Variants in NKAIN4 observed in about 807,000 individuals in gnomAD.
NKAIN4 encodes sodium/potassium transporting ATPase interacting 4, also known as sodium/potassium-transporting ATPase subunit beta-1-interacting protein 4.
A neutral mutation model predicts 28.8 loss-of-function variants in NKAIN4; 28 were observed. That is an observed-to-expected ratio of 0.97 (90% CI 0.72 to 1.33). The LOEUF is 1.33. Among genes scored for constraint, NKAIN4 ranks in the 40% most tolerant of loss-of-function variants. The pLI, the probability that NKAIN4 is intolerant of heterozygous loss-of-function variation, is 0.00. For synonymous variants in NKAIN4, 122 were observed against 115.6 expected (o/e 1.06, Z -0.36); for missense variants, 289 against 277.2 (o/e 1.04, Z -0.30).
In NKAIN4 at chr20:63,242,490, C is replaced by A. The variant is rs372079773; in HGVS notation, c.617+49G>T. The A allele has an allele frequency of 3.7e-6, 5 of 1,366,930 alleles. No homozygotes were observed. The African/African-American group carries it at 7.1e-5, about 20-fold the overall frequency. 84.7% of individuals were successfully genotyped at this position (1,366,930 alleles called of 1,614,324 possible). Reference sequence around the variant, plus strand: ...GGAAGGCAGCCTCTCGCTGTGAGGGCCAGATTGGCCAGGCTGGCCGCAGAG... The same window carrying A: ...GGAAGGCAGCCTCTCGCTGTGAGGGACAGATTGGCCAGGCTGGCCGCAGAG... On this transcript the variant is annotated intron_variant, in intron 6 of 6. Coordinates refer to ENST00000370316, the MANE Select transcript of NKAIN4 (RefSeq NM_152864.4).
chr20:63,250,904 C>T (rs1251164944), intron 1 of NKAIN4, among the ~76,000 whole-genome samples: 21 of 146,138 alleles, frequency 1.4e-4, no homozygotes, highest in Admixed American at 9.5e-4. Context: ...CCACCCCAGC[C>T]GCCCTATCCC....
intron 2 of NKAIN4, 84 bp downstream of exon 2, chr20:63,249,851 A>C: frequency 2.1e-6 from 3 of 1,446,268 alleles, no homozygotes; most frequent in Non-Finnish European, 2.8e-6. Context: ...GTCCAGGAAA[A>C]TATGCCAGGA....
chr20:63,244,144 G>C lies in NKAIN4; in HGVS notation c.472-60C>G, dbSNP rs77939763. The C allele has an allele frequency of 2.2e-4, 340 of 1,519,968 alleles. No individual in the cohort carries two copies. The African/African-American group carries it at 4.3e-3, about 19-fold the overall frequency. 94.2% of individuals were successfully genotyped at this position (1,519,968 alleles called of 1,614,324 possible). ...CCAGGCGAGCCTGTGGGGTGTCATT[G>C]AGGCGATGTGGGCCGAAGCACTGGA... On this transcript the variant is annotated intron_variant, in intron 4 of 6. Transcript: ENST00000370316.
intron 1 of NKAIN4, chr20:63,253,537 C>G (rs1291534222): frequency 3.0e-6 from 3 of 983,734 alleles, no homozygotes. Context: ...CGCTCCGCAG[C>G]CCACAAAGCA....
chr20:63,247,109 T>G, intron 4 of NKAIN4: 1 of 1,039,576 alleles, frequency 9.6e-7, no homozygotes, highest in Non-Finnish European at 1.2e-6. Context: ...TACGCCAGGG[T>G]TCCCGACAAG....
chr20:63,241,144 G>A lies in NKAIN4; in HGVS notation c.*353C>T, dbSNP rs2066742960. On this transcript the variant is annotated 3_prime_UTR_variant, in exon 7 of 7. Coordinates refer to ENST00000370316, the MANE Select transcript of NKAIN4 (RefSeq NM_152864.4). ...GCCCGAGGGTCCAGCAGCCCCAGGT[G>A]GGCACCTGAGGGAGGGGCTCCTCGA... 3.2e-6 allele frequency: 1 copy of A among 308,104 alleles called. No individual in the cohort carries two copies. The highest frequency in any genetic ancestry group is 2.3e-5 in the African/African-American group (1 of 44,282). 19.1% of individuals were successfully genotyped at this position (308,104 alleles called of 1,614,324 possible).
chr20:63,244,656 A>G, intron 4 of NKAIN4: 1 of 416,156 alleles, frequency 2.4e-6, no homozygotes, highest in South Asian at 1.7e-5. Context: ...GGGGTCAGGC[A>G]GGGAGAGGGG....
chr20:63,241,431 C>T lies in NKAIN4; in HGVS notation c.*66G>A. On this transcript the variant is annotated 3_prime_UTR_variant, in exon 7 of 7. Transcript: ENST00000370316. The stretch of plus-strand genomic sequence containing the variant: ...GGCGCGTCCCAAGGCCTGGGAGCTC[C>T]TGTCATTGTCACTGGTCGGTCGCTG... 1.9e-6 allele frequency: 3 copies of T among 1,540,724 alleles called. No individual in the cohort carries two copies. In the South Asian group the frequency reaches 3.6e-5, roughly 18 times the overall value.
intron 4 of NKAIN4, 161 bp downstream of exon 4, chr20:63,247,417 C>G: frequency 2.0e-6 from 3 of 1,537,342 alleles, no homozygotes; most frequent in Non-Finnish European, 2.6e-6. Context: ...GGGACCCACC[C>G]GTGATACCTT....
rs1472846159 is a variant in NKAIN4 at position 63,247,448 on chromosome 20, G to A, written c.471+130C>T. 12 of 1,544,890 alleles carry A rather than the reference G, an allele frequency of 7.8e-6. No homozygotes were observed. The Admixed American group carries it at 1.4e-4, about 18-fold the overall frequency. On this transcript the variant is annotated intron_variant, in intron 4 of 6. Transcript: ENST00000370316. Reference sequence around the variant, plus strand: ...ACCTTAACCTCTCCAGCAAGGGTGGGGGATGAGGAAGGCAGAGACACGCCT... The same window carrying A: ...ACCTTAACCTCTCCAGCAAGGGTGGAGGATGAGGAAGGCAGAGACACGCCT...
intron 4 of NKAIN4, 41 bp from the exon 5 acceptor site, chr20:63,244,125 G>C: frequency 6.3e-7 from 1 of 1,585,882 alleles, no homozygotes. Context: ...GCGGCCAGGC[G>C]AGCCTGTGGG....
chr20:63,250,508 G>A (rs898986469), intron 1 of NKAIN4, among the ~76,000 whole-genome samples: 3 of 152,146 alleles, frequency 2.0e-5, no homozygotes, highest in African/African-American at 7.2e-5. Flanking sequence ...TCGGATGGCC[G>A]GGAGGGACGG....
intron 3 of NKAIN4, 193 bp downstream of exon 3, chr20:63,248,622 A>T (rs1029971867): frequency 1.1e-5 from 6 of 560,580 alleles, no homozygotes; most frequent in Non-Finnish European, 1.9e-5. Context: ...CAATCAAATC[A>T]CTGGTCTTTC....
intron 1 of NKAIN4, chr20:63,253,168 C>A (rs1253886711): frequency 5.1e-6 from 5 of 980,154 alleles, no homozygotes; most frequent in Middle Eastern, 5.2e-4. Flanking sequence ...TGCTTCCAGC[C>A]CCTCCCCACC....
chr20:63,247,621 CTGGG>C lies in NKAIN4; in HGVS notation c.424_427del (p.Pro142AlafsTer13). The stretch of plus-strand genomic sequence containing the variant: ...GCAACTGTGTAGGGCCTCCACATAG[CTGGG>C]CTCCAGGGCACAGCCAGCACCTGAC... On this transcript the variant is annotated frameshift_variant, in exon 4 of 7. Transcript: ENST00000370316. LOFTEE classifies it high-confidence loss of function. The C allele has an allele frequency of 6.5e-7, 1 of 1,547,884 alleles. No individual in the cohort carries two copies.
chr20:63,253,825 C>A (rs1014594573), intron 1 of NKAIN4, among the ~76,000 whole-genome samples: 5 of 130,204 alleles, frequency 3.8e-5, no homozygotes, highest in African/African-American at 1.2e-4. Flanking sequence ...AGCTCCACGC[C>A]GGGCGGAATG....
rs1300239732 is a variant in NKAIN4, at chr20:63,252,069, G to A, written c.55-1997C>T. On this transcript the variant is annotated intron_variant, in intron 1 of 6. Transcript: ENST00000370316. The surrounding 1 kb of genome is among the most constrained non-coding windows in gnomAD (Gnocchi z 4.6). ...GGACAAGCTGCACATCTCGGCTAAG[G>A]GGTCTCGGCCTGAGGAGCAGCCTCA... Among the ~76,000 whole-genome samples, 1 of 152,222 alleles carries A rather than the reference G, an allele frequency of 6.6e-6. No homozygotes were observed. Among genetic ancestry groups the A allele is most frequent in the African/African-American group, 2.4e-5 (1 of 41,452 alleles).
At chr20:63,248,980 C>T in intron 2 of NKAIN4, 85 bp from the exon 3 acceptor site, 2 of 900,868 alleles carry the variant, frequency 2.2e-6, no homozygotes, top group Admixed American at 1.9e-5. Context: ...GAAGGGGTCC[C>T]ATGATCGCAT....
intron 1 of NKAIN4, 128 bp downstream of exon 1, chr20:63,254,269 T>TC (rs1306971687): frequency 2.8e-6 from 2 of 704,890 alleles, no homozygotes; most frequent in African/African-American, 1.9e-5. Context: ...GTCCGAGGCA[T>TC]CCCCCCTCGG....
Sources: gnomAD v4.1 joint callset for allele counts (sites outside exome capture counted in the v4.1 genomes callset) on GRCh38, gnomAD v4.1.1 for gene constraint, Gnocchi (gnomAD v3.1) non-coding constraint, MANE v1.5 for transcripts, NCBI Gene and HGNC (gene_info 2026-07-23, HGNC 2026-07-21) for gene names.